The following PDE3A variants were observed in gnomAD, a reference collection of about 807,000 sequenced individuals.
The protein encoded by PDE3A is cGMP-inhibited 3',5'-cyclic phosphodiesterase 3A.
PDE3A carries 43 observed loss-of-function variants against 98.3 expected under a neutral mutation model. The observed-to-expected ratio is 0.44, with a 90% CI of 0.34 to 0.56. PDE3A has a LOEUF of 0.56. Among genes scored for constraint, PDE3A ranks in the 20% least tolerant of loss-of-function variants. The pLI is 0.01. For missense variants in PDE3A, 1,427 were observed against 1,440.7 expected (o/e 0.99, Z 0.15); for synonymous variants, 663 against 567.9 (o/e 1.17, Z -2.38).
intron 3 of PDE3A, 46 bp from the exon 4 acceptor site, chr12:20,616,184 A>C: frequency 1.3e-6 from 2 of 1,543,602 alleles, no homozygotes; most frequent in Non-Finnish European, 1.8e-6. Flanking sequence ...ATAAAATTTA[A>C]GAGATATAAA....
chr12:20,531,176 A>G lies in PDE3A; in HGVS notation c.961-25484A>G, dbSNP rs963505207. On this transcript the variant is annotated intron_variant, in intron 1 of 15. Transcript: ENST00000359062. ...GAGACGAAATTGTTCCATTTATTCTACTAACCTCAGCAAAAGCTGGTTATG... is the reference window on the plus strand; with the variant it reads ...GAGACGAAATTGTTCCATTTATTCTGCTAACCTCAGCAAAAGCTGGTTATG... 2.2e-4 allele frequency among the ~76,000 whole-genome samples: 34 copies of G among 152,220 alleles called. 1 individual carries two copies. The highest frequency in any genetic ancestry group is 4.4e-5 in the Non-Finnish European group (3 of 68,050).
rs374170885 is a variant in PDE3A at position 20,648,656 on chromosome 12, A to T, written c.2566-32A>T. 3 of 1,377,310 alleles carry T rather than the reference A, an allele frequency of 2.2e-6. No individual in the cohort carries two copies. In the African/African-American group the frequency reaches 4.3e-5, roughly 20 times the overall value. The allele number at this position is 1,377,310 out of a possible 1,614,324, so 85.3% of individuals were successfully genotyped here. A position where few individuals can be genotyped will look rare whatever the true frequency, so the allele number is the denominator to read the frequency against. On this transcript the variant is annotated intron_variant, in intron 12 of 15. Transcript: ENST00000359062. ...TGATTTTTGTGATTATTTTCTTAAAAAGTTGAACTCTTAACTGTCTTATTT... is the reference window on the plus strand; with the variant it reads ...TGATTTTTGTGATTATTTTCTTAAATAGTTGAACTCTTAACTGTCTTATTT...
chr12:20,668,254 C>T lies in PDE3A; in HGVS notation c.3185-11776C>T, dbSNP rs971630464. On this transcript the variant is annotated intron_variant, in intron 15 of 15. Transcript: ENST00000359062. ...AGCAGTCTGAGATCAAACTGCAAGG[C>T]GGCAGTGAGGCTGGGGGAGGGGCGC... is the stretch of plus-strand genomic sequence containing the variant. Among the ~76,000 whole-genome samples the T allele has an allele frequency of 4.2e-3, 641 of 152,298 alleles. 5 individuals carry two copies. Among genetic ancestry groups the T allele is most frequent in the African/African-American group, 0.011 (466 of 41,564 alleles).
chr12:20,582,628 C>T (rs191584016), intron 2 of PDE3A, among the ~76,000 whole-genome samples: 1 of 152,156 alleles, frequency 6.6e-6, no homozygotes, highest in African/African-American at 2.4e-5. Context: ...ATCCATGTTG[C>T]AAGCTAGACT....
At chr12:20,518,084 T>C (rs1259250409) in intron 1 of PDE3A, among the ~76,000 whole-genome samples, 2 of 152,160 alleles carry the variant, frequency 1.3e-5, no homozygotes, top group East Asian at 3.9e-4. Flanking sequence ...ACTATTTGAA[T>C]ATCAAAATAT....
chr12:20,590,311 C>T (rs1592087707), intron 2 of PDE3A, among the ~76,000 whole-genome samples: 1 of 149,924 alleles, frequency 6.7e-6, no homozygotes, highest in African/African-American at 2.5e-5. Flanking sequence ...AAGCACCTTC[C>T]AACTTCCTCT....
chr12:20,640,011 T>C, intron 10 of PDE3A, 54 bp downstream of exon 10: 1 of 810,368 alleles, frequency 1.2e-6, no homozygotes, highest in East Asian at 2.5e-5. Flanking sequence ...GAATTTGCTG[T>C]GGGTAAATGG....
chr12:20,532,790 G>A (rs1592026691), intron 1 of PDE3A, among the ~76,000 whole-genome samples: 1 of 149,082 alleles, frequency 6.7e-6, no homozygotes, highest in East Asian at 2.0e-4. Context: ...CCGGGTTCAC[G>A]CCATTCTCCT....
chr12:20,580,151 A>G (rs1438869149), intron 2 of PDE3A, among the ~76,000 whole-genome samples: 2 of 152,178 alleles, frequency 1.3e-5, no homozygotes, highest in Non-Finnish European at 1.5e-5. Context: ...CTTGCCCATG[A>G]TAGATTAATC....
chr12:20,502,260 C>T (rs1399134501), intron 1 of PDE3A, among the ~76,000 whole-genome samples: 1 of 152,006 alleles, frequency 6.6e-6, no homozygotes, highest in African/African-American at 2.4e-5. Context: ...TGATCACTTC[C>T]AACTTCTTTT....
At chr12:20,422,347 A>C (rs2120761811) in intron 1 of PDE3A, among the ~76,000 whole-genome samples, 1 of 152,224 alleles carries the variant, frequency 6.6e-6, no homozygotes, top group Middle Eastern at 3.4e-3. Context: ...CTGTCTCAAA[A>C]AAAAAAAAAT....
intron 1 of PDE3A, among the ~76,000 whole-genome samples, chr12:20,449,137 T>C (rs961852021): frequency 6.6e-6 from 1 of 152,212 alleles, no homozygotes; most frequent in Middle Eastern, 3.2e-3. Context: ...TGCATTTTAT[T>C]AACAGGACAC....
chr12:20,468,310 G>C (rs1945378620), intron 1 of PDE3A, among the ~76,000 whole-genome samples: 2 of 151,836 alleles, frequency 1.3e-5, no homozygotes, highest in South Asian at 4.1e-4. Flanking sequence ...TTAGTCTTTT[G>C]TCTTAAAATT....
At chr12:20,573,971 C>T (rs1942867467) in intron 2 of PDE3A, among the ~76,000 whole-genome samples, 2 of 152,060 alleles carry the variant, frequency 1.3e-5, no homozygotes, top group South Asian at 4.1e-4. Flanking sequence ...AAATATAGCC[C>T]TGCATTTTCT....
At chr12:20,651,964 T>C (rs1420239504) in intron 14 of PDE3A, among the ~76,000 whole-genome samples, 3 of 138,644 alleles carry the variant, frequency 2.2e-5, no homozygotes, top group Non-Finnish European at 4.6e-5. Flanking sequence ...TTCCCCTTCC[T>C]CTGTCCATGT....
chr12:20,582,626 T>G (rs999848223), intron 2 of PDE3A, among the ~76,000 whole-genome samples: 4 of 152,314 alleles, frequency 2.6e-5, no homozygotes, highest in Admixed American at 2.6e-4. Flanking sequence ...TGATCCATGT[T>G]GCAAGCTAGA....
chr12:20,379,207 G>A (rs1000053053), intron 1 of PDE3A, among the ~76,000 whole-genome samples: 1 of 151,844 alleles, frequency 6.6e-6, no homozygotes, highest in African/African-American at 2.4e-5. Context: ...ATACAGCTAT[G>A]TGGAATCAGC....
chr12:20,489,001 T>C (rs760846366), intron 1 of PDE3A, among the ~76,000 whole-genome samples: 3 of 152,180 alleles, frequency 2.0e-5, no homozygotes, highest in Non-Finnish European at 4.4e-5. Flanking sequence ...CTAATAATTC[T>C]TCAGCAATCA....
intron 1 of PDE3A, among the ~76,000 whole-genome samples, chr12:20,465,930 T>G (rs904072167): frequency 1.3e-5 from 2 of 152,156 alleles, no homozygotes; most frequent in Non-Finnish European, 2.9e-5. Context: ...ATCTTAGATC[T>G]CCCTTTTGGG....
Sources: allele counts gnomAD v4.1 joint callset (sites outside exome capture counted in the v4.1 genomes callset), GRCh38; gene constraint gnomAD v4.1.1; transcripts MANE v1.5; gene names NCBI Gene and HGNC (gene_info 2026-07-23, HGNC 2026-07-21).